The following MRC2 variants were observed in gnomAD, a reference collection of about 807,000 sequenced individuals.
MRC2 encodes the protein C-type mannose receptor 2.
MRC2 carries 84 observed loss-of-function variants against 206.2 expected under a neutral mutation model. The observed-to-expected ratio is 0.41, with a 90% CI of 0.34 to 0.49. The LOEUF (loss-of-function observed/expected upper bound fraction) is 0.49, where lower values mean the gene tolerates loss of function less well. Ranked by LOEUF, MRC2 falls within the 20% of genes least tolerant of loss-of-function variation. The probability of loss-of-function intolerance (pLI) is 0.31; values close to 1 mark genes in which losing one functional copy is unlikely to be tolerated. For missense variants in MRC2, 1,676 were observed against 2,001.5 expected (o/e 0.84, Z 3.10); for synonymous variants, 798 against 800.0 (o/e 1.00, Z 0.04).
intron 1 of MRC2, among the ~76,000 whole-genome samples, chr17:62,639,106 A>T (rs146366376): frequency 2.3e-3 from 344 of 152,286 alleles, no homozygotes; most frequent in African/African-American, 7.6e-3. Flanking sequence ...AGGCCAAGGC[A>T]GGCGGATCAC....
intron 1 of MRC2, among the ~76,000 whole-genome samples, chr17:62,647,873 A>T (rs1397831451): frequency 6.6e-6 from 1 of 152,174 alleles, no homozygotes; most frequent in Non-Finnish European, 1.5e-5. Context: ...CCATGATCTC[A>T]GCCATCCCTG....
rs534727158 is a variant in MRC2, at chr17:62,692,676, G to A, written c.*225G>A. 25 of 534,910 alleles carry A rather than the reference G, an allele frequency of 4.7e-5. No homozygotes were observed. The highest frequency in any genetic ancestry group is 8.4e-5 in the Non-Finnish European group (25 of 298,276). The allele number at this position is 534,910 out of a possible 1,614,324, so 33.1% of individuals were successfully genotyped here. On this transcript the variant is annotated 3_prime_UTR_variant, in exon 30 of 30. Coordinates refer to ENST00000303375, the MANE Select transcript of MRC2 (RefSeq NM_006039.5). This position sits in a 1 kb window ranked among gnomAD's most constrained non-coding sequence, Gnocchi z 4.2. ...GTGCAGCGTGGCGTTTCCCTTTCTG[G>A]GGGGGCCTGAGGTCTTGTCACCTGG...
At chr17:62,691,165 AC>A (rs750041956) in intron 28 of MRC2, 37 bp downstream of exon 28, 1 of 1,551,700 alleles carries the variant, frequency 6.4e-7, no homozygotes, top group Non-Finnish European at 8.7e-7. Flanking sequence ...GCCTCCTTCC[AC>A]CCCGTGCCGC....
chr17:62,661,033 A>T (rs2088673241), intron 1 of MRC2, among the ~76,000 whole-genome samples: 2 of 152,202 alleles, frequency 1.3e-5, no homozygotes, highest in Admixed American at 6.5e-5. Flanking sequence ...CTCTCTAAAG[A>T]TGTTACCCTT....
chr17:62,664,554 A>T lies in MRC2; in HGVS notation c.125A>T (p.Asn42Ile), dbSNP rs765326204. ...GTCTTGCCTTCCCTTCCAGAACCCAACGTCTTCCTCATCTTCAGCCATGGA... is the reference window on the plus strand; with the variant it reads ...GTCTTGCCTTCCCTTCCAGAACCCATCGTCTTCCTCATCTTCAGCCATGGA... ...APGDAALPEP[N>I]VFLIFSHGLQ... The change falls in exon 2 of 30, where the codon AAC becomes ATC. Residue 42 changes from asparagine to isoleucine, a missense_variant. Around this residue, in one of 3 missense-constraint regions of MRC2, gnomAD observed 318 missense variants for 346.7 expected, o/e 0.92. Transcript: ENST00000303375. The surrounding 1 kb of genome is among the most constrained non-coding windows in gnomAD (Gnocchi z 4.7). The T allele has an allele frequency of 2.8e-5, 45 of 1,609,208 alleles. No homozygotes were observed. The highest frequency in any genetic ancestry group is 3.8e-5 in the Non-Finnish European group (45 of 1,177,690).
Position 62,678,562 on chromosome 17 carries a change from G to A in MRC2, c.2111G>A (p.Cys704Tyr). The change falls in exon 13 of 30, where the codon TGC (cysteine) becomes TAC (tyrosine). Residue 704 changes from cysteine to tyrosine, a missense_variant. Cys to Tyr is a radical substitution (Grantham distance 194, BLOSUM62 -2). Transcript: ENST00000303375. ...KKSWVQAQGA[C>Y]QELGAQLLSL... Reference sequence around the variant, plus strand: ...AGCTGGGTCCAGGCCCAGGGGGCCTGCCAGGAGCTGGGGGCCCAGCTGCTG... The same window carrying A: ...AGCTGGGTCCAGGCCCAGGGGGCCTACCAGGAGCTGGGGGCCCAGCTGCTG... 1 of 1,609,586 alleles carries A rather than the reference G, an allele frequency of 6.2e-7. No individual in the cohort carries two copies. The highest frequency in any genetic ancestry group is 8.5e-7 in the Non-Finnish European group (1 of 1,178,818).
At chr17:62,681,012 G>A (rs1178054667) in intron 17 of MRC2, 50 bp from the exon 18 acceptor site, 1 of 1,612,430 alleles carries the variant, frequency 6.2e-7, no homozygotes. Flanking sequence ...GCAGGCCCGG[G>A]ATGAGGGCAG....
rs779663124 is a variant in MRC2, at chr17:62,671,818, C to T, written c.1287C>T (p.Ile429=). 3 of 1,602,502 alleles carry T rather than the reference C, an allele frequency of 1.9e-6. No individual in the cohort carries two copies. The highest frequency in any genetic ancestry group is 2.6e-6 in the Non-Finnish European group (3 of 1,172,454). Residue 429 remains isoleucine, a synonymous_variant, in exon 7 of 30, where the codon ATC becomes ATT. Transcript: ENST00000303375. The surrounding 1 kb of genome is among the most constrained non-coding windows in gnomAD (Gnocchi z 4.5). ...ACAGCATGGCGGAGCTGGAATTCAT[C>T]ACCAAGCAGATCAAGCAAGGTGAGG... is the stretch of plus-strand genomic sequence containing the variant. ...SIHSMAELEF[I]TKQIKQEVEE...
intron 9 of MRC2, 88 bp downstream of exon 9, chr17:62,674,258 TCG>T: frequency 1.1e-6 from 1 of 904,002 alleles, no homozygotes; most frequent in Non-Finnish European, 1.6e-6. Flanking sequence ...TCCTGCTGCC[TCG>T]CATGGCATCG....
intron 1 of MRC2, among the ~76,000 whole-genome samples, chr17:62,659,050 C>T (rs1598979045): frequency 1.3e-5 from 2 of 152,240 alleles, no homozygotes; most frequent in Admixed American, 6.5e-5. Context: ...AGGTTCCTGC[C>T]GATTCAATGT....
chr17:62,666,363 C>G lies in MRC2; in HGVS notation c.695-92C>G. ...GGCCCAGGGTGAGATACTGCCCCCT[C>G]CCCTACCTAGTGTAGCCTTTTGGTG... On this transcript the variant is annotated intron_variant, in intron 3 of 29. Coordinates refer to ENST00000303375, the MANE Select transcript of MRC2 (RefSeq NM_006039.5). The surrounding 1 kb of genome is among the most constrained non-coding windows in gnomAD (Gnocchi z 5.0). 6.3e-7 allele frequency: 1 copy of G among 1,592,516 alleles called. No individual in the cohort carries two copies. The highest frequency in any genetic ancestry group is 8.5e-7 in the Non-Finnish European group (1 of 1,171,498).
At chr17:62,679,708 C>G (rs2088936530) in intron 13 of MRC2, 92 bp from the exon 14 acceptor site, 3 of 1,251,100 alleles carry the variant, frequency 2.4e-6, no homozygotes, top group Admixed American at 2.1e-5. Context: ...GGGGCTGCCC[C>G]GGTCACAGCT....
At chr17:62,642,818 A>G (rs2088423167) in intron 1 of MRC2, among the ~76,000 whole-genome samples, 1 of 152,200 alleles carries the variant, frequency 6.6e-6, no homozygotes, top group Admixed American at 6.5e-5. Context: ...TGTTCATAGT[A>G]GCATTATTCA....
rs565326164 is a variant in MRC2 at position 62,640,726 on chromosome 17, C to T, written c.118+12806C>T. ...TTGAGACAGAGTCTCGCTCTGTCGC[C>T]CAGGCTGGAGTGCAGTGGCACGATC... On this transcript the variant is annotated intron_variant, in intron 1 of 29. Coordinates refer to ENST00000303375, the MANE Select transcript of MRC2 (RefSeq NM_006039.5). Among the ~76,000 whole-genome samples the T allele has an allele frequency of 1.2e-3, 181 of 151,630 alleles. 1 individual carries two copies. Among genetic ancestry groups the T allele is most frequent in the Non-Finnish European group, 1.8e-3 (125 of 67,860 alleles).
intron 1 of MRC2, among the ~76,000 whole-genome samples, chr17:62,659,566 C>G (rs1052246887): frequency 2.3e-4 from 35 of 151,338 alleles, no homozygotes; most frequent in African/African-American, 8.0e-4. Flanking sequence ...AAAAAGCTTT[C>G]AGCACATGAA....
At chr17:62,637,264 G>A (rs758742642) in intron 1 of MRC2, among the ~76,000 whole-genome samples, 11 of 152,190 alleles carry the variant, frequency 7.2e-5, no homozygotes, top group Non-Finnish European at 1.3e-4. Flanking sequence ...AGCCATGTGT[G>A]ATGGTGCATG....
chr17:62,632,432 T>C (rs902656848), intron 1 of MRC2, among the ~76,000 whole-genome samples: 2 of 152,170 alleles, frequency 1.3e-5, no homozygotes, highest in African/African-American at 4.8e-5. Flanking sequence ...CCACTCCTCC[T>C]GATTTCTCTT....
intron 1 of MRC2, among the ~76,000 whole-genome samples, chr17:62,642,087 C>T (rs865823458): frequency 1.3e-5 from 2 of 152,076 alleles, no homozygotes; most frequent in African/African-American, 2.4e-5. Flanking sequence ...ATATGCAGTC[C>T]GTGTTAGGAT....
At chr17:62,670,135 C>T (rs1482696458) in intron 6 of MRC2, among the ~76,000 whole-genome samples, 2 of 152,372 alleles carry the variant, frequency 1.3e-5, no homozygotes, top group African/African-American at 4.8e-5. Context: ...ATTTCCGCCC[C>T]TCTGCCCAGC....
Sources: gnomAD v4.1 joint callset for allele counts (sites outside exome capture counted in the v4.1 genomes callset) on GRCh38, gnomAD v4.1.1 for gene constraint, gnomAD v4.1.1 regional missense constraint, Gnocchi (gnomAD v3.1) non-coding constraint, MANE v1.5 for transcripts, NCBI Gene and HGNC (gene_info 2026-07-23, HGNC 2026-07-21) for gene names.